The following GRID2 variants were observed in gnomAD, a reference collection of about 807,000 sequenced individuals.
GRID2 encodes glutamate ionotropic receptor delta type subunit 2.
A neutral mutation model predicts 114.8 loss-of-function variants in GRID2; 33 were observed. The observed-to-expected ratio is 0.29, with a 90% CI of 0.22 to 0.38. The LOEUF (loss-of-function observed/expected upper bound fraction) is 0.38, where lower values mean the gene tolerates loss of function less well. GRID2 is among the 10% of genes least tolerant of loss of function. The pLI, the probability that GRID2 is intolerant of heterozygous loss-of-function variation, is 1.00. For synonymous variants in GRID2, 505 were observed against 449.9 expected, an observed-to-expected ratio of 1.12 and a Z score of -1.55; for missense variants, 1,184 against 1,257.7, an observed-to-expected ratio of 0.94 and a Z score of 0.89.
chr4:93,556,888 G>A (rs1734374537), intron 13 of GRID2, among the ~76,000 whole-genome samples: 1 of 152,216 alleles, frequency 6.6e-6, no homozygotes, highest in African/African-American at 2.4e-5. Context: ...ACTAACAGCA[G>A]ATCTCTCTGC....
intron 4 of GRID2, among the ~76,000 whole-genome samples, chr4:93,163,017 T>C (rs1458226848): frequency 6.6e-6 from 1 of 151,998 alleles, no homozygotes; most frequent in East Asian, 1.9e-4. Flanking sequence ...TTCTGTTTTA[T>C]ACATTTACTT....
At chr4:92,535,229 G>C (rs533366203) in intron 1 of GRID2, among the ~76,000 whole-genome samples, 1 of 152,236 alleles carries the variant, frequency 6.6e-6, no homozygotes, top group African/African-American at 2.4e-5. Flanking sequence ...TGTAGTTAAA[G>C]AGGTGTTTTA....
chr4:92,616,955 T>A (rs914123493), intron 2 of GRID2, among the ~76,000 whole-genome samples: 1 of 151,564 alleles, frequency 6.6e-6, no homozygotes, highest in African/African-American at 2.4e-5. Flanking sequence ...TACCTAGTAG[T>A]GTTGTGTGAT....
chr4:92,459,674 A>G (rs961355232), intron 1 of GRID2, among the ~76,000 whole-genome samples: 31 of 152,160 alleles, frequency 2.0e-4, no homozygotes, highest in African/African-American at 6.0e-4. Flanking sequence ...TAATTGAAAT[A>G]TGTATTTACT....
intron 2 of GRID2, among the ~76,000 whole-genome samples, chr4:92,626,903 C>T (rs1353549507): frequency 3.3e-5 from 5 of 151,790 alleles, no homozygotes; most frequent in Admixed American, 6.6e-5. Context: ...TTAATAAAAG[C>T]AAAATACATT....
intron 2 of GRID2, among the ~76,000 whole-genome samples, chr4:92,718,910 T>C (rs1735676159): frequency 1.3e-5 from 2 of 152,096 alleles, no homozygotes; most frequent in South Asian, 2.1e-4. Flanking sequence ...AAACAATTTA[T>C]TGCAATCTTA....
At chr4:93,706,721 A>G (rs2110154925) in intron 14 of GRID2, among the ~76,000 whole-genome samples, 1 of 152,240 alleles carries the variant, frequency 6.6e-6, no homozygotes, top group East Asian at 1.9e-4. Context: ...CTGTTGCCTG[A>G]TTGCTCTAGC....
chr4:93,270,481 T>C (rs1751330094), intron 8 of GRID2, among the ~76,000 whole-genome samples: 1 of 152,288 alleles, frequency 6.6e-6, no homozygotes, highest in Admixed American at 6.5e-5. Flanking sequence ...AGAAGACTTC[T>C]CTGTAAAAGC....
chr4:93,487,978 T>C (rs1726582193), intron 11 of GRID2, among the ~76,000 whole-genome samples: 1 of 151,974 alleles, frequency 6.6e-6, no homozygotes, highest in Admixed American at 6.6e-5. Context: ...TACAAGAATA[T>C]TTGAGTTCCT....
intron 2 of GRID2, among the ~76,000 whole-genome samples, chr4:92,764,190 G>T (rs1007768609): frequency 6.6e-6 from 1 of 152,244 alleles, no homozygotes; most frequent in Non-Finnish European, 1.5e-5. Context: ...CGAGAATTCA[G>T]TTCAGTGACC....
At chr4:93,243,554 G>T (rs1455671540) in intron 8 of GRID2, among the ~76,000 whole-genome samples, 1 of 152,030 alleles carries the variant, frequency 6.6e-6, no homozygotes, top group Non-Finnish European at 1.5e-5. Context: ...TCAAGCAGGG[G>T]TATTGTCAGG....
chr4:92,945,376 A>G (rs959792421), intron 2 of GRID2, among the ~76,000 whole-genome samples: 3 of 152,164 alleles, frequency 2.0e-5, no homozygotes, highest in African/African-American at 7.2e-5. Context: ...GTCTTTGTAA[A>G]TAAGCTGTTT....
intron 8 of GRID2, among the ~76,000 whole-genome samples, chr4:93,325,180 A>G (rs1757693278): frequency 6.6e-6 from 1 of 152,174 alleles, no homozygotes; most frequent in Non-Finnish European, 1.5e-5. Context: ...ATTGAGTGCT[A>G]TAAATTTCCT....
chr4:93,408,288 C>T (rs1038942824), intron 9 of GRID2, among the ~76,000 whole-genome samples: 1 of 151,982 alleles, frequency 6.6e-6, no homozygotes, highest in African/African-American at 2.4e-5. Context: ...AGATGCATTT[C>T]GATACATGTA....
intron 13 of GRID2, among the ~76,000 whole-genome samples, chr4:93,566,362 A>C (rs1446655024): frequency 1.3e-5 from 2 of 152,144 alleles, no homozygotes; most frequent in Non-Finnish European, 2.9e-5. Context: ...CAAGACTAGG[A>C]GCTGGGGAAG....
chr4:92,507,505 C>T (rs1358225825), intron 1 of GRID2, among the ~76,000 whole-genome samples: 3 of 151,580 alleles, frequency 2.0e-5, no homozygotes, highest in African/African-American at 7.3e-5. Context: ...AATCCTCTCC[C>T]TTTCACTATT....
intron 2 of GRID2, among the ~76,000 whole-genome samples, chr4:92,715,211 A>G (rs1560549157): frequency 1.3e-5 from 2 of 152,232 alleles, no homozygotes; most frequent in South Asian, 4.1e-4. Flanking sequence ...CTGTCTGCTT[A>G]AAACATAACA....
intron 12 of GRID2, among the ~76,000 whole-genome samples, chr4:93,513,387 C>T (rs1729384006): frequency 6.6e-6 from 1 of 152,090 alleles, no homozygotes; most frequent in African/African-American, 2.4e-5. Flanking sequence ...CAGTAAATTG[C>T]TCTCTTGAAA....
chr4:92,848,634 T>A (rs1743520225), intron 2 of GRID2, among the ~76,000 whole-genome samples: 1 of 151,918 alleles, frequency 6.6e-6, no homozygotes. Context: ...GTCAAGTTAA[T>A]GGGTAACTAG....
Sources: allele counts gnomAD v4.1 joint callset (sites outside exome capture counted in the v4.1 genomes callset), GRCh38; gene constraint gnomAD v4.1.1; transcripts MANE v1.5; gene names NCBI Gene and HGNC (gene_info 2026-07-23, HGNC 2026-07-21).